The following LMBR1 variants were observed in gnomAD, a reference collection of about 807,000 sequenced individuals.
The protein encoded by LMBR1 is limb region 1 protein homolog.
A neutral mutation model predicts 73.9 loss-of-function variants in LMBR1; 52 were observed. The ratio of observed to expected loss-of-function variants is 0.70; its 90% CI spans 0.56 to 0.89. The LOEUF is 0.89. Ranked by LOEUF, LMBR1 falls within the 40% of genes least tolerant of loss-of-function variation. The probability of loss-of-function intolerance (pLI) is 0.00; values close to 1 mark genes in which losing one functional copy is unlikely to be tolerated. For synonymous variants in LMBR1, 215 were observed against 209.4 expected, an observed-to-expected ratio of 1.03 and a Z score of -0.23; for missense variants, 539 against 579.8, an observed-to-expected ratio of 0.93 and a Z score of 0.72.
At chr7:156,712,520 C>T (rs972906793) in intron 15 of LMBR1, among the ~76,000 whole-genome samples, 9 of 152,044 alleles carry the variant, frequency 5.9e-5, no homozygotes, top group Non-Finnish European at 7.4e-5. Flanking sequence ...GGGTATCTAC[C>T]CAAAGGAAAA....
intron 4 of LMBR1, among the ~76,000 whole-genome samples, chr7:156,806,157 C>G (rs1400516333): frequency 6.9e-6 from 1 of 144,532 alleles, no homozygotes; most frequent in Admixed American, 7.2e-5. Context: ...TTGTGGTACT[C>G]TTTAATTTCT....
intron 9 of LMBR1, among the ~76,000 whole-genome samples, chr7:156,746,544 T>C (rs1054305838): frequency 4.6e-5 from 7 of 152,176 alleles, no homozygotes; most frequent in African/African-American, 1.4e-4. Context: ...GCAGGTGATA[T>C]AACACTAGGC....
chr7:156,759,594 T>C (rs1178733806), intron 8 of LMBR1, among the ~76,000 whole-genome samples: 1 of 152,182 alleles, frequency 6.6e-6, no homozygotes, highest in African/African-American at 2.4e-5. Context: ...ACTCAATTAC[T>C]CAATAAATAA....
At chr7:156,781,246 T>A (rs564506104) in intron 5 of LMBR1, among the ~76,000 whole-genome samples, 2 of 152,316 alleles carry the variant, frequency 1.3e-5, no homozygotes, top group African/African-American at 4.8e-5. Flanking sequence ...AATAACATCA[T>A]ATTGCTTATG....
intron 1 of LMBR1, among the ~76,000 whole-genome samples, chr7:156,839,450 G>A (rs1170197570): frequency 2.6e-5 from 4 of 152,226 alleles, no homozygotes; most frequent in Admixed American, 2.6e-4. Flanking sequence ...AGGAGATCTC[G>A]TTACAGTCAA....
intron 4 of LMBR1, among the ~76,000 whole-genome samples, chr7:156,821,436 A>G (rs1406632068): frequency 1.3e-5 from 2 of 152,240 alleles, no homozygotes; most frequent in South Asian, 2.1e-4. Flanking sequence ...CTAAAAGGAC[A>G]GCGGTGAAGG....
intron 7 of LMBR1, among the ~76,000 whole-genome samples, chr7:156,762,840 AGTGTGAGTGTG>A (rs1563302420): frequency 8.6e-6 from 1 of 115,672 alleles, no homozygotes; most frequent in Non-Finnish European, 1.8e-5. Context: ...AAAGTGTGTG[AGTGTGAGTGTG>A]TGTGTGTGTG....
chr7:156,777,502 A>G (rs1826362693), intron 5 of LMBR1, among the ~76,000 whole-genome samples: 2 of 152,210 alleles, frequency 1.3e-5, no homozygotes, highest in Admixed American at 1.3e-4. Flanking sequence ...AGTGCTTCTC[A>G]AATGTCAACC....
chr7:156,725,533 A>G lies in LMBR1; in HGVS notation c.1068-8T>C, dbSNP rs750208653. On this transcript the variant is annotated splice_region_variant and splice_polypyrimidine_tract_variant and intron_variant, in intron 13 of 16. Coordinates refer to ENST00000353442, the MANE Select transcript of LMBR1 (RefSeq NM_022458.4). ...GAGGACACCATAAGATAGCTGTGAG[A>G]ATCAAGGAAAAAAACTCTCCAACAG... 4.5e-5 allele frequency: 71 copies of G among 1,566,260 alleles called. No individual in the cohort carries two copies. Among genetic ancestry groups the G allele is most frequent in the Non-Finnish European group, 5.5e-5 (63 of 1,151,638 alleles).
chr7:156,851,263 C>A (rs897294665), intron 1 of LMBR1, among the ~76,000 whole-genome samples: 1 of 152,160 alleles, frequency 6.6e-6, no homozygotes, highest in Admixed American at 6.5e-5. Context: ...ATCTTCAGAA[C>A]AATTAATTTG....
chr7:156,828,828 C>T (rs186571586), intron 3 of LMBR1, among the ~76,000 whole-genome samples: 1 of 152,308 alleles, frequency 6.6e-6, no homozygotes, highest in East Asian at 1.9e-4. Context: ...TTCGAATAAT[C>T]TGATCAATCT....
intron 16 of LMBR1, among the ~76,000 whole-genome samples, chr7:156,686,801 A>C (rs1407904337): frequency 1.3e-5 from 2 of 152,258 alleles, no homozygotes; most frequent in Admixed American, 1.3e-4. Flanking sequence ...ACCATGGCTA[A>C]CTAATCTTGC....
intron 9 of LMBR1, among the ~76,000 whole-genome samples, chr7:156,751,955 T>G (rs558806979): frequency 1.3e-5 from 2 of 152,154 alleles, no homozygotes; most frequent in Non-Finnish European, 2.9e-5. Flanking sequence ...TTTAAAGCCA[T>G]GAAACCAGAT....
intron 4 of LMBR1, chr7:156,822,794 AG>A (rs1465175787): frequency 6.6e-6 from 1 of 152,206 alleles, no homozygotes; most frequent in African/African-American, 2.4e-5. Flanking sequence ...ACCACAAAAA[AG>A]GGCAAAGGAC....
chr7:156,832,037 C>G (rs548669088), intron 3 of LMBR1, among the ~76,000 whole-genome samples: 1 of 152,178 alleles, frequency 6.6e-6, no homozygotes, highest in Non-Finnish European at 1.5e-5. Flanking sequence ...AAATGATTCA[C>G]TTAATTTTCA....
chr7:156,707,825 GTTCTAGCCAGAACAA>G (rs1811279176), intron 15 of LMBR1, among the ~76,000 whole-genome samples: 1 of 152,118 alleles, frequency 6.6e-6, no homozygotes, highest in African/African-American at 2.4e-5. Context: ...AGTACTGACA[GTTCTAGCCAGAACAA>G]TCAGGCAAGA....
In LMBR1 at chr7:156,798,758, C is replaced by T. The variant is rs77883658; in HGVS notation, c.320-2266G>A. Among the ~76,000 whole-genome samples the T allele has an allele frequency of 2.3e-3, 348 of 152,016 alleles. 10 individuals carry two copies. In the East Asian group the frequency reaches 0.047, roughly 21 times the overall value. ...TTGTTAATCTATTGCTTTATTTAGG[C>T]GTGGTGAAAAATACATGACCGTTTC... On this transcript the variant is annotated intron_variant, in intron 4 of 16. Coordinates refer to ENST00000353442, the MANE Select transcript of LMBR1 (RefSeq NM_022458.4).
intron 8 of LMBR1, among the ~76,000 whole-genome samples, chr7:156,759,955 G>A (rs911830291): frequency 6.6e-6 from 1 of 152,186 alleles, no homozygotes; most frequent in Non-Finnish European, 1.5e-5. Flanking sequence ...GAGTGGCAGG[G>A]TGACTAGTCT....
At chr7:156,883,849 G>A (rs74350689) in intron 1 of LMBR1, among the ~76,000 whole-genome samples, 2,718 of 152,070 alleles carry the variant, frequency 0.018, 86 homozygotes, top group African/African-American at 0.061. Context: ...TGACCACATA[G>A]AGCCCACCTG....
Sources: allele counts gnomAD v4.1 joint callset (sites outside exome capture counted in the v4.1 genomes callset), GRCh38; gene constraint gnomAD v4.1.1; transcripts MANE v1.5; gene names NCBI Gene and HGNC (gene_info 2026-07-23, HGNC 2026-07-21).